The following MYRIP variants were observed in gnomAD, a reference collection of about 807,000 sequenced individuals.
MYRIP encodes the protein myosin VIIA and Rab interacting protein, also known as rab effector MyRIP.
In MYRIP, 49 loss-of-function variants were observed where a neutral mutation model predicts 98.0. That is an observed-to-expected ratio of 0.50 (90% CI 0.40 to 0.63). MYRIP has a LOEUF of 0.63. Among genes scored for constraint, MYRIP ranks in the 30% least tolerant of loss-of-function variants. MYRIP has a pLI of 0.00. For missense variants in MYRIP, 1,004 were observed against 1,058.2 expected, an observed-to-expected ratio of 0.95 and a Z score of 0.71; for synonymous variants, 404 against 409.5, an observed-to-expected ratio of 0.99 and a Z score of 0.16.
chr3:39,815,415 A>G (rs907086172), intron 1 of MYRIP, among the ~76,000 whole-genome samples: 2 of 151,104 alleles, frequency 1.3e-5, no homozygotes, highest in Non-Finnish European at 1.5e-5. Flanking sequence ...GTGTGTGTGT[A>G]TGTATGTATA....
intron 1 of MYRIP, among the ~76,000 whole-genome samples, chr3:39,852,193 A>G (rs969592644): frequency 1.3e-5 from 2 of 152,306 alleles, no homozygotes; most frequent in South Asian, 4.1e-4. Flanking sequence ...GAGCATAGCC[A>G]GCAGCCCTTC....
chr3:39,960,587 TAA>T (rs1387693126), intron 2 of MYRIP, among the ~76,000 whole-genome samples: 1 of 152,160 alleles, frequency 6.6e-6, no homozygotes, highest in African/African-American at 2.4e-5. Context: ...AATATTGTAT[TAA>T]GACAGCACTA....
chr3:39,843,712 T>C (rs1360449634), intron 1 of MYRIP, among the ~76,000 whole-genome samples: 1 of 152,210 alleles, frequency 6.6e-6, no homozygotes, highest in Non-Finnish European at 1.5e-5. Flanking sequence ...AGAGATGGCA[T>C]ATCCTAAGTG....
At chr3:39,855,528 G>A (rs1942260345) in intron 1 of MYRIP, among the ~76,000 whole-genome samples, 1 of 152,074 alleles carries the variant, frequency 6.6e-6, no homozygotes, top group Non-Finnish European at 1.5e-5. Flanking sequence ...GGGTGTGAGG[G>A]GGTGGTTCTC....
intron 2 of MYRIP, among the ~76,000 whole-genome samples, chr3:39,978,676 A>G (rs1049013027): frequency 6.6e-6 from 1 of 152,222 alleles, no homozygotes; most frequent in Non-Finnish European, 1.5e-5. Flanking sequence ...ATCGCCAAGA[A>G]ATCAATTCAT....
intron 2 of MYRIP, among the ~76,000 whole-genome samples, chr3:39,966,638 G>A (rs536577214): frequency 6.6e-6 from 1 of 152,304 alleles, no homozygotes; most frequent in Admixed American, 6.5e-5. Context: ...GGGGCAGGGG[G>A]TGGGTAGGGA....
chr3:40,091,800 C>T (rs1383175750), intron 3 of MYRIP, among the ~76,000 whole-genome samples: 2 of 152,072 alleles, frequency 1.3e-5, no homozygotes, highest in Admixed American at 6.6e-5. Flanking sequence ...CATCAGGGGC[C>T]GGGTGGGTTG....
intron 1 of MYRIP, among the ~76,000 whole-genome samples, chr3:39,832,490 A>T (rs555906577): frequency 4.1e-4 from 62 of 152,318 alleles, no homozygotes; most frequent in Middle Eastern, 3.4e-3. Flanking sequence ...AATATTTACC[A>T]TCAGATAAAT....
At chr3:40,247,963 T>TATC (rs1363786643) in intron 13 of MYRIP, among the ~76,000 whole-genome samples, 10 of 152,246 alleles carry the variant, frequency 6.6e-5, no homozygotes, top group African/African-American at 2.4e-4. Context: ...CTTTGTGGAT[T>TATC]ATCTCAACTG....
chr3:40,189,289 G>A (rs899678047), intron 9 of MYRIP, among the ~76,000 whole-genome samples: 5 of 152,188 alleles, frequency 3.3e-5, no homozygotes, highest in Non-Finnish European at 7.3e-5. Context: ...TGTTCCTTGA[G>A]TTAAAAATAG....
At chr3:40,185,194 C>T (rs2371176) in intron 9 of MYRIP, among the ~76,000 whole-genome samples, 3 of 152,094 alleles carry the variant, frequency 2.0e-5, no homozygotes, top group South Asian at 2.1e-4. Flanking sequence ...GGAGCCTGTT[C>T]GTGCACAGTT....
chr3:40,162,961 T>C (rs944931463), intron 5 of MYRIP, 151 bp downstream of exon 5: 3 of 634,432 alleles, frequency 4.7e-6, no homozygotes, highest in Non-Finnish European at 8.2e-6. Flanking sequence ...CACTTATTAT[T>C]GCCAATTGTA....
chr3:39,861,211 A>G (rs1030596387), intron 1 of MYRIP, among the ~76,000 whole-genome samples: 2 of 152,224 alleles, frequency 1.3e-5, no homozygotes, highest in Admixed American at 1.3e-4. Flanking sequence ...TAGAGCATGC[A>G]GCTCACGAGT....
chr3:40,229,578 T>C (rs1041950653), intron 11 of MYRIP, among the ~76,000 whole-genome samples: 1 of 152,186 alleles, frequency 6.6e-6, no homozygotes, highest in Non-Finnish European at 1.5e-5. Flanking sequence ...TAATGAGCAA[T>C]TGAGGAAACT....
At chr3:40,104,996 C>T (rs557136322) in intron 3 of MYRIP, among the ~76,000 whole-genome samples, 1 of 152,032 alleles carries the variant, frequency 6.6e-6, no homozygotes. Context: ...TTAACTGTTT[C>T]ACTGATTTTC....
chr3:39,850,211 A>G (rs186922872), intron 1 of MYRIP, among the ~76,000 whole-genome samples: 1 of 152,180 alleles, frequency 6.6e-6, no homozygotes, highest in African/African-American at 2.4e-5. Context: ...GAAGCTGTCT[A>G]TCAGGTTTCT....
chr3:40,041,351 T>C (rs1355034040), intron 2 of MYRIP, among the ~76,000 whole-genome samples: 7 of 134,234 alleles, frequency 5.2e-5, no homozygotes, highest in African/African-American at 1.4e-4. Flanking sequence ...TAAAATGAAA[T>C]CTGGCAGACA....
intron 3 of MYRIP, among the ~76,000 whole-genome samples, chr3:40,145,308 G>T (rs1259615749): frequency 6.6e-6 from 1 of 152,250 alleles, no homozygotes; most frequent in East Asian, 1.9e-4. Flanking sequence ...AAAAAATTGT[G>T]CTCATTTTTT....
chr3:40,005,613 G>C (rs1050229488), intron 2 of MYRIP, among the ~76,000 whole-genome samples: 2 of 152,168 alleles, frequency 1.3e-5, no homozygotes, highest in Non-Finnish European at 2.9e-5. Context: ...TGATTTCATT[G>C]GCACCAAATG....
Sources: allele counts gnomAD v4.1 joint callset (sites outside exome capture counted in the v4.1 genomes callset), GRCh38; gene constraint gnomAD v4.1.1; transcripts MANE v1.5; gene names NCBI Gene and HGNC (gene_info 2026-07-23, HGNC 2026-07-21).